The following FBN1 variants were observed in gnomAD, a reference collection of about 807,000 sequenced individuals.
FBN1 encodes the protein fibrillin-1.
In FBN1, 29 loss-of-function variants were observed where a neutral mutation model predicts 365.1. That is an observed-to-expected ratio of 0.08 (90% CI 0.06 to 0.11). The LOEUF (loss-of-function observed/expected upper bound fraction) is 0.11, where lower values mean the gene tolerates loss of function less well. FBN1 is among the 10% of genes least tolerant of loss of function. FBN1 has a pLI of 1.00. For missense variants in FBN1, 2,476 were observed against 3,703.2 expected, an observed-to-expected ratio of 0.67 and a Z score of 8.60; for synonymous variants, 1,210 against 1,270.5, an observed-to-expected ratio of 0.95 and a Z score of 1.01.
At chr15:48,534,486 G>A (rs1157482525) in intron 7 of FBN1, among the ~76,000 whole-genome samples, 4 of 152,030 alleles carry the variant, frequency 2.6e-5, no homozygotes, top group South Asian at 2.1e-4. Context: ...TAACTTTTGC[G>A]GGTTTTAGCA....
chr15:48,629,259 G>T (rs904323845), intron 2 of FBN1, among the ~76,000 whole-genome samples: 1 of 152,160 alleles, frequency 6.6e-6, no homozygotes, highest in African/African-American at 2.4e-5. Context: ...ATCTCATCAT[G>T]GACCAGTAAC....
At chr15:48,503,100 C>A (rs1283809666) in intron 17 of FBN1, among the ~76,000 whole-genome samples, 1 of 151,852 alleles carries the variant, frequency 6.6e-6, no homozygotes, top group Admixed American at 6.6e-5. Flanking sequence ...GAGTTCAAGA[C>A]CAGCCTGGCC....
chr15:48,621,925 G>C (rs1002292151), intron 2 of FBN1, among the ~76,000 whole-genome samples: 1 of 151,748 alleles, frequency 6.6e-6, no homozygotes, highest in African/African-American at 2.4e-5. Context: ...GTGAACCTGG[G>C]AGGCGGAGCT....
intron 42 of FBN1, among the ~76,000 whole-genome samples, chr15:48,461,308 A>G (rs1489794390): frequency 2.0e-5 from 3 of 152,218 alleles, no homozygotes; most frequent in Non-Finnish European, 4.4e-5. Context: ...ACACAAGAGT[A>G]TGTAGATATT....
At position 48,610,403 on chromosome 15, in the gene FBN1, A is replaced by T. The variant is rs558659141; in HGVS notation, c.346+325T>A. 2.3e-3 allele frequency among the ~76,000 whole-genome samples: 355 copies of T among 152,326 alleles called. 1 individual carries two copies. Among genetic ancestry groups the T allele is most frequent in the Non-Finnish European group, 3.4e-3 (231 of 68,022 alleles). On this transcript the variant is annotated intron_variant, in intron 4 of 65. Coordinates refer to ENST00000316623, the MANE Select transcript of FBN1 (RefSeq NM_000138.5). Reference sequence around the variant, plus strand: ...ATTTCTTGAGCCAAAAATGTCCATTAAACAACCATTTCATTGAGCACCTTT... The same window carrying T: ...ATTTCTTGAGCCAAAAATGTCCATTTAACAACCATTTCATTGAGCACCTTT...
At chr15:48,525,876 T>G (rs1034944375) in intron 9 of FBN1, among the ~76,000 whole-genome samples, 5 of 152,170 alleles carry the variant, frequency 3.3e-5, no homozygotes, top group Admixed American at 3.3e-4. Flanking sequence ...GACTGCAACA[T>G]TAATTAATAG....
At chr15:48,424,782 C>A (rs1417659085) in intron 60 of FBN1, among the ~76,000 whole-genome samples, 4 of 151,954 alleles carry the variant, frequency 2.6e-5, no homozygotes, top group Non-Finnish European at 5.9e-5. Context: ...AAAATTAAAC[C>A]AAAAAAATTT....
At chr15:48,430,388 G>T (rs1484255537) in intron 56 of FBN1, among the ~76,000 whole-genome samples, 1 of 152,162 alleles carries the variant, frequency 6.6e-6, no homozygotes, top group East Asian at 1.9e-4. Flanking sequence ...AAAGAGTATG[G>T]AAAGTAAAGG....
chr15:48,435,262 A>G (rs1455159352), intron 53 of FBN1, among the ~76,000 whole-genome samples: 1 of 151,568 alleles, frequency 6.6e-6, no homozygotes, highest in Non-Finnish European at 1.5e-5. Context: ...CTTCTCCATG[A>G]GTTTCTCCAG....
At chr15:48,632,526 C>T (rs1030341523) in intron 2 of FBN1, among the ~76,000 whole-genome samples, 6 of 152,184 alleles carry the variant, frequency 3.9e-5, no homozygotes, top group Non-Finnish European at 5.9e-5. Flanking sequence ...TCAAATCACT[C>T]GTCTGAGGTT....
chr15:48,576,231 G>GTCT (rs1177625173), intron 6 of FBN1, among the ~76,000 whole-genome samples: 1 of 152,114 alleles, frequency 6.6e-6, no homozygotes, highest in Non-Finnish European at 1.5e-5. Flanking sequence ...TGACAACGTT[G>GTCT]TCTTCTTCTT....
chr15:48,432,223 C>T (rs527332431), intron 55 of FBN1, among the ~76,000 whole-genome samples: 2 of 152,110 alleles, frequency 1.3e-5, no homozygotes, highest in East Asian at 3.9e-4. Flanking sequence ...GGAAATTTCC[C>T]CACCCTTAAG....
chr15:48,410,919 A>C lies in FBN1; in HGVS notation c.*71T>G. ...TTGTACCTATGATATGATGATTCTG[A>C]TTGGGGGAAAATATAGTTCTACCTA... On this transcript the variant is annotated 3_prime_UTR_variant, in exon 66 of 66. Coordinates refer to ENST00000316623, the MANE Select transcript of FBN1 (RefSeq NM_000138.5). 1 of 1,386,682 alleles carries C rather than the reference A, an allele frequency of 7.2e-7. No homozygotes were observed. Among genetic ancestry groups the C allele is most frequent in the Non-Finnish European group, 1.0e-6 (1 of 993,226 alleles). 85.9% of individuals were successfully genotyped at this position (1,386,682 alleles called of 1,614,324 possible).
At chr15:48,503,653 T>C in intron 17 of FBN1, 134 bp downstream of exon 17, 2 of 1,153,188 alleles carry the variant, frequency 1.7e-6, no homozygotes, top group Non-Finnish European at 2.6e-6. Context: ...GGCTGGCCTC[T>C]GCCAAGACCC....
chr15:48,509,856 T>C (rs996207036), intron 14 of FBN1, among the ~76,000 whole-genome samples, 188 bp downstream of exon 14: 2 of 152,194 alleles, frequency 1.3e-5, no homozygotes, highest in African/African-American at 2.4e-5. Context: ...CATATTAAAA[T>C]GTTATTTGAT....
At chr15:48,495,665 T>C (rs915409920) in intron 20 of FBN1, 77 bp from the exon 21 acceptor site, 2 of 1,567,794 alleles carry the variant, frequency 1.3e-6, no homozygotes, top group South Asian at 1.1e-5. Flanking sequence ...TTGACCCCAA[T>C]TGCTACTACA....
chr15:48,571,998 G>C (rs547966191), intron 6 of FBN1, among the ~76,000 whole-genome samples: 56 of 152,222 alleles, frequency 3.7e-4, no homozygotes, highest in Non-Finnish European at 5.4e-4. Context: ...AGGAAATATA[G>C]TCAGGCAAAT....
intron 32 of FBN1, 94 bp downstream of exon 32, chr15:48,481,561 A>G: frequency 7.7e-7 from 1 of 1,295,146 alleles, no homozygotes; most frequent in Non-Finnish European, 1.1e-6. Flanking sequence ...AATATAGTTA[A>G]AATGTATGAG....
In FBN1 at chr15:48,490,040, C is replaced by T. The variant is rs748905831; in HGVS notation, c.2893G>A (p.Glu965Lys). The change falls in exon 25 of 66, where the codon GAG becomes AAG. Residue 965 changes from glutamate to lysine, a missense_variant. Physicochemically the swap from Glu to Lys is moderately conservative, Grantham distance 56. Coordinates refer to ENST00000316623, the MANE Select transcript of FBN1 (RefSeq NM_000138.5). ...CCAGCAATAGGCAGGGTGCACTCCTCGTCCTCGTACCTCAGGAAGCAGGTT... is the reference window on the plus strand; with the variant it reads ...CCAGCAATAGGCAGGGTGCACTCCTTGTCCTCGTACCTCAGGAAGCAGGTT... ...LETCFLRYED[E>K]ECTLPIAGRH... 5.0e-6 allele frequency: 8 copies of T among 1,614,120 alleles called. No homozygotes were observed. Among genetic ancestry groups the T allele is most frequent in the East Asian group, 2.2e-5 (1 of 44,876 alleles).
Sources: allele counts gnomAD v4.1 joint callset (sites outside exome capture counted in the v4.1 genomes callset), GRCh38; gene constraint gnomAD v4.1.1; transcripts MANE v1.5; gene names NCBI Gene and HGNC (gene_info 2026-07-23, HGNC 2026-07-21).